RAB33B: variants seen among roughly 807,000 people sequenced by gnomAD.
RAB33B encodes RAB33B, member RAS oncogene family, also known as ras-related protein Rab-33B.
Under a neutral mutation model 15.0 loss-of-function variants are expected in RAB33B, and 6 were observed. That is an observed-to-expected ratio of 0.40 (90% confidence interval 0.22 to 0.79). RAB33B has a LOEUF of 0.79. Ranked by LOEUF, RAB33B falls within the 30% of genes least tolerant of loss-of-function variation. The pLI is 0.37. For missense variants in RAB33B, 257 were observed against 296.4 expected (o/e 0.87, Z 0.98); for synonymous variants, 117 against 108.3 (o/e 1.08, Z -0.50).
chr4:139,441,315 G>A, the RAB33B span, among the ~76,000 whole-genome samples: 2 of 152,300 alleles, frequency 1.3e-5, no homozygotes, highest in East Asian at 3.9e-4. Context: ...CTTTAATGAG[G>A]GGAGTTACAG....
intron 1 of RAB33B, 76 bp from the exon 2 acceptor site, chr4:139,472,610 G>C (rs546990623): frequency 1.9e-6 from 2 of 1,064,484 alleles, no homozygotes; most frequent in East Asian, 4.9e-5. Context: ...TAAAGACAAT[G>C]CAAGATGATT....
At chr4:139,447,454 C>T in the RAB33B span, among the ~76,000 whole-genome samples, 3 of 152,066 alleles carry the variant, frequency 2.0e-5, no homozygotes, top group African/African-American at 4.8e-5. Context: ...CATGACATTA[C>T]GTTCTGCTGG....
chr4:139,449,626 T>C (rs562522741), upstream of RAB33B: 16 of 152,272 alleles, frequency 1.1e-4, no homozygotes, highest in African/African-American at 3.6e-4. Context: ...TGTTGGATGC[T>C]TCCCGTCCTC....
chr4:139,475,221 A>C lies in RAB33B; in HGVS notation c.*2095A>C, dbSNP rs970068543. The stretch of plus-strand genomic sequence containing the variant: ...CAGCTGTAGTAACTATGATGGGTGT[A>C]ACAACATTTTTTTAAAGAAGGGAAT... On this transcript the variant is annotated 3_prime_UTR_variant, in exon 2 of 2. Coordinates refer to ENST00000305626, the MANE Select transcript of RAB33B (RefSeq NM_031296.3). 2 of 152,098 alleles carry C rather than the reference A, an allele frequency of 1.3e-5. No individual in the cohort carries two copies. Among genetic ancestry groups the C allele is most frequent in the African/African-American group, 4.8e-5 (2 of 41,456 alleles). The allele number at this position is 152,098 out of a possible 1,614,324, so 9.4% of individuals were successfully genotyped here.
chr4:139,469,981 C>G (rs1378455630), intron 1 of RAB33B, among the ~76,000 whole-genome samples: 1 of 152,074 alleles, frequency 6.6e-6, no homozygotes, highest in Non-Finnish European at 1.5e-5. Context: ...TGCACTAGGT[C>G]TAGACTGCAC....
chr4:139,446,736 C>T, the RAB33B span, among the ~76,000 whole-genome samples: 1 of 152,156 alleles, frequency 6.6e-6, no homozygotes. Flanking sequence ...CCAATGGGCC[C>T]ACGAACAAAG....
At position 139,472,916 on chromosome 4, in the gene RAB33B, A is replaced by T; in HGVS notation, c.480A>T (p.Thr160=). The T allele has an allele frequency of 6.2e-7, 1 of 1,614,228 alleles. No homozygotes were observed. ...CDLRSAIQVP[T]DLAQKFADTH... ...TGAGAAGTGCCATACAGGTACCCACAGACTTGGCACAAAAATTTGCTGACA... is the reference window on the plus strand; with the variant it reads ...TGAGAAGTGCCATACAGGTACCCACTGACTTGGCACAAAAATTTGCTGACA... Residue 160 remains threonine (T), a synonymous_variant, in exon 2 of 2, where the codon ACA becomes ACT. Coordinates refer to ENST00000305626, the MANE Select transcript of RAB33B (RefSeq NM_031296.3).
rs1750420121 is a variant in RAB33B at position 139,472,998 on chromosome 4, G to A, written c.562G>A (p.Val188Met). The A allele has an allele frequency of 6.2e-7, 1 of 1,614,044 alleles. No homozygotes were observed. Among genetic ancestry groups the A allele is most frequent in the African/African-American group, 1.3e-5 (1 of 74,918 alleles). The change falls in exon 2 of 2, where the codon GTG (valine) becomes ATG (methionine). Residue 188 changes from valine to methionine, a missense_variant. Transcript: ENST00000305626. ...SAKNPNDNDH[V>M]EAIFMTLAHK... ...TAAAAACCCCAATGATAATGACCAT[G>A]TGGAAGCTATATTTATGACCTTGGC...
chr4:139,453,524 C>G (rs1749980973), upstream of RAB33B: 1 of 152,480 alleles, frequency 6.6e-6, no homozygotes, highest in African/African-American at 2.4e-5. Context: ...GCCCTGGCCG[C>G]TGTCCCAACT....
Position 139,473,179 on chromosome 4 carries a change from T to C in RAB33B, c.*53T>C, listed in dbSNP as rs368776354. 7.0e-7 allele frequency: 1 copy of C among 1,425,998 alleles called. No individual in the cohort carries two copies. Among genetic ancestry groups the C allele is most frequent in the Admixed American group, 2.3e-5 (1 of 43,830 alleles). 88.3% of individuals were successfully genotyped at this position (1,425,998 alleles called of 1,614,324 possible). On this transcript the variant is annotated 3_prime_UTR_variant, in exon 2 of 2. Coordinates refer to ENST00000305626, the MANE Select transcript of RAB33B (RefSeq NM_031296.3). ...TTTGACTAAAGAAATACTTTTGAAGTATGACAGTATTAAGTCATAAGATTT... is the reference window on the plus strand; with the variant it reads ...TTTGACTAAAGAAATACTTTTGAAGCATGACAGTATTAAGTCATAAGATTT...
At chr4:139,463,024 G>C (rs79255141) in intron 1 of RAB33B, among the ~76,000 whole-genome samples, 2 of 152,076 alleles carry the variant, frequency 1.3e-5, no homozygotes, top group Non-Finnish European at 2.9e-5. Flanking sequence ...AAATTAACTG[G>C]GTGTGGTGAC....
chr4:139,461,173 T>G (rs1750164614), intron 1 of RAB33B, among the ~76,000 whole-genome samples: 1 of 152,192 alleles, frequency 6.6e-6, no homozygotes, highest in Non-Finnish European at 1.5e-5. Flanking sequence ...ATTCCTAAAC[T>G]ATGGTAGTGA....
intron 1 of RAB33B, among the ~76,000 whole-genome samples, chr4:139,467,210 C>A (rs1028149936): frequency 6.6e-6 from 1 of 150,584 alleles, no homozygotes; most frequent in Non-Finnish European, 1.5e-5. Flanking sequence ...CTCATGTGAT[C>A]CACCTGCTTT....
the RAB33B span, among the ~76,000 whole-genome samples, chr4:139,441,794 G>T: frequency 2.6e-5 from 4 of 151,938 alleles, no homozygotes; most frequent in Admixed American, 1.3e-4. Flanking sequence ...ATCAGGGATT[G>T]TCTGTACATA....
At chr4:139,467,831 C>T (rs1366001643) in intron 1 of RAB33B, among the ~76,000 whole-genome samples, 1 of 150,726 alleles carries the variant, frequency 6.6e-6, no homozygotes, top group Non-Finnish European at 1.5e-5. Flanking sequence ...GCATTCCAGC[C>T]TGGGCAATAG....
rs1477950514 is a variant in RAB33B at position 139,475,302 on chromosome 4, T to C, written c.*2176T>C. On this transcript the variant is annotated 3_prime_UTR_variant, in exon 2 of 2. Coordinates refer to ENST00000305626, the MANE Select transcript of RAB33B (RefSeq NM_031296.3). ...AGTGGGGGAAGAAAGTTTATAGACT[T>C]TCCAAGCACATTTATGGTTTTTTAT... The C allele has an allele frequency of 6.6e-6, 1 of 152,042 alleles. No homozygotes were observed. The highest frequency in any genetic ancestry group is 2.4e-5 in the African/African-American group (1 of 41,438). 9.4% of individuals were successfully genotyped at this position (152,042 alleles called of 1,614,324 possible). A position where few individuals can be genotyped will look rare whatever the true frequency, so the allele number is the denominator to read the frequency against.
chr4:139,440,560 G>A, the RAB33B span, among the ~76,000 whole-genome samples: 1 of 152,014 alleles, frequency 6.6e-6, no homozygotes, highest in Non-Finnish European at 1.5e-5. Flanking sequence ...CGTGCCATGA[G>A]ATTCAGTGGT....
intron 1 of RAB33B, among the ~76,000 whole-genome samples, chr4:139,470,539 A>C (rs142131002): frequency 1.4e-3 from 212 of 152,204 alleles, no homozygotes; most frequent in African/African-American, 4.8e-3. Context: ...CCCTGTGGCC[A>C]TGCTGGTACC....
At chr4:139,459,192 G>A (rs1035799845) in intron 1 of RAB33B, among the ~76,000 whole-genome samples, 25 of 149,250 alleles carry the variant, frequency 1.7e-4, no homozygotes, top group Non-Finnish European at 3.1e-4. Flanking sequence ...CTGTAATCCC[G>A]GCACTTTGGG....
Sources: gnomAD v4.1 joint callset for allele counts (sites outside exome capture counted in the v4.1 genomes callset) on GRCh38, gnomAD v4.1.1 for gene constraint, MANE v1.5 for transcripts, NCBI Gene and HGNC (gene_info 2026-07-23, HGNC 2026-07-21) for gene names.